STK3: variants seen among roughly 807,000 people sequenced by gnomAD.
The protein encoded by STK3 is serine/threonine-protein kinase 3.
STK3 carries 41 observed loss-of-function variants against 58.0 expected under a neutral mutation model. That is an observed-to-expected ratio of 0.71 (90% CI 0.55 to 0.92). STK3 has a LOEUF of 0.92. STK3 is among the 40% of genes least tolerant of loss of function. STK3 has a pLI of 0.00. For missense variants in STK3, 479 were observed against 602.7 expected (o/e 0.79, Z 2.15); for synonymous variants, 170 against 191.0 (o/e 0.89, Z 0.91).
chr8:98,840,029 T>C (rs1236524598), intron 3 of STK3, among the ~76,000 whole-genome samples: 1 of 151,884 alleles, frequency 6.6e-6, no homozygotes, highest in Non-Finnish European at 1.5e-5. Flanking sequence ...GGAAATTATT[T>C]TGAAAAAAAT....
At chr8:98,659,394 T>A (rs2130777574) in intron 6 of STK3, among the ~76,000 whole-genome samples, 1 of 152,174 alleles carries the variant, frequency 6.6e-6, no homozygotes, top group South Asian at 2.1e-4. Context: ...CCTCTACAGT[T>A]TACTATCATG....
intron 2 of STK3, among the ~76,000 whole-genome samples, chr8:98,375,261 AAAAAAAAAAC>A (rs1309344489): frequency 9.8e-5 from 7 of 71,762 alleles, no homozygotes; most frequent in Admixed American, 2.3e-4. Flanking sequence ...TTTCCAAAAC[AAAAAAAAAAC>A]AAAAAAAAAC....
intron 10 of STK3, among the ~76,000 whole-genome samples, chr8:98,512,509 A>G (rs893078372): frequency 1.3e-5 from 2 of 152,222 alleles, no homozygotes; most frequent in African/African-American, 4.8e-5. Flanking sequence ...TATGTGCCAC[A>G]TGTGAGCAGT....
intron 4 of STK3, among the ~76,000 whole-genome samples, chr8:98,717,420 C>T (rs1827102632): frequency 6.6e-6 from 1 of 151,952 alleles, no homozygotes; most frequent in Non-Finnish European, 1.5e-5. Context: ...GTGGAAAGAT[C>T]CTCAACATCA....
At chr8:98,849,781 G>C (rs1448103663) in intron 3 of STK3, among the ~76,000 whole-genome samples, 1 of 152,030 alleles carries the variant, frequency 6.6e-6, no homozygotes, top group Non-Finnish European at 1.5e-5. Context: ...TGGAGGTGGG[G>C]GTGGGGATTA....
At chr8:98,355,942 A>AT in the STK3 span, among the ~76,000 whole-genome samples, 2 of 152,174 alleles carry the variant, frequency 1.3e-5, no homozygotes, top group Admixed American at 1.3e-4. Flanking sequence ...TTCCGTGATC[A>AT]TTGGTAATGT....
At chr8:98,625,945 C>G (rs1030733924) in intron 6 of STK3, among the ~76,000 whole-genome samples, 1 of 152,112 alleles carries the variant, frequency 6.6e-6, no homozygotes, top group Non-Finnish European at 1.5e-5. Flanking sequence ...ATCTACCCTA[C>G]TATAACCCTG....
intron 4 of STK3, among the ~76,000 whole-genome samples, chr8:98,714,439 G>A (rs1201221633): frequency 6.6e-6 from 1 of 152,104 alleles, no homozygotes; most frequent in Non-Finnish European, 1.5e-5. Context: ...CAAAGTCTCA[G>A]GATACAAAGT....
At chr8:98,768,538 C>T (rs1339227941) in intron 2 of STK3, among the ~76,000 whole-genome samples, 1 of 152,122 alleles carries the variant, frequency 6.6e-6, no homozygotes, top group Non-Finnish European at 1.5e-5. Flanking sequence ...TCACATTGGG[C>T]TGGGTGTGGG....
chr8:98,845,142 A>G (rs1279298839), intron 3 of STK3, among the ~76,000 whole-genome samples: 1 of 152,142 alleles, frequency 6.6e-6, no homozygotes, highest in East Asian at 1.9e-4. Context: ...TTTTTTACTT[A>G]GAGTTCATTT....
chr8:98,848,594 A>G (rs1352913667), intron 3 of STK3, among the ~76,000 whole-genome samples: 2 of 152,206 alleles, frequency 1.3e-5, no homozygotes, highest in African/African-American at 4.8e-5. Context: ...TATGAATGGA[A>G]TCATATAAAA....
In STK3 at chr8:98,428,141, C is replaced by T. The variant is rs760612723; in HGVS notation, n.483+5986G>A. 9 of 1,613,922 alleles carry T rather than the reference C, an allele frequency of 5.6e-6. No homozygotes were observed. The African/African-American group carries it at 1.1e-4, about 19-fold the overall frequency. ...TGCTGCTCTGCCACTCGCGCGAGGC[C>T]ATTCTGGAGCTCTGCGATGACTACG... On this transcript the variant is annotated intron_variant and non_coding_transcript_variant, in intron 3 of 3. Transcript: ENST00000517832. This position sits in a 1 kb window ranked among gnomAD's most constrained non-coding sequence, Gnocchi z 6.7.
At chr8:98,373,178 T>C (rs1817628816) in intron 2 of STK3, among the ~76,000 whole-genome samples, 1 of 152,192 alleles carries the variant, frequency 6.6e-6, no homozygotes. Context: ...TTATTATTCT[T>C]GCTTTTTTTG....
At chr8:98,851,526 A>T (rs1160555268) in intron 3 of STK3, among the ~76,000 whole-genome samples, 5 of 152,236 alleles carry the variant, frequency 3.3e-5, no homozygotes, top group Non-Finnish European at 7.3e-5. Flanking sequence ...TCTAAGGAGT[A>T]TGAAACTGCA....
intron 1 of STK3, among the ~76,000 whole-genome samples, chr8:98,784,880 C>T (rs1338113704): frequency 6.6e-6 from 1 of 152,100 alleles, no homozygotes; most frequent in East Asian, 1.9e-4. Context: ...GCATTCAGAG[C>T]ATCTGCTCAC....
chr8:98,373,030 A>G (rs1399606299), intron 2 of STK3, among the ~76,000 whole-genome samples: 1 of 152,178 alleles, frequency 6.6e-6, no homozygotes, highest in Non-Finnish European at 1.5e-5. Context: ...GAATTTCACC[A>G]TGAATTAAAG....
At chr8:98,920,766 G>A (rs1839528949) in intron 1 of STK3, among the ~76,000 whole-genome samples, 1 of 152,256 alleles carries the variant, frequency 6.6e-6, no homozygotes, top group African/African-American at 2.4e-5. Context: ...GCAAGAGGCT[G>A]AGGTTAGAAC....
At chr8:98,897,647 C>T (rs1302690400) in intron 1 of STK3, among the ~76,000 whole-genome samples, 1 of 152,114 alleles carries the variant, frequency 6.6e-6, no homozygotes, top group African/African-American at 2.4e-5. Flanking sequence ...GCAGTAAATA[C>T]AGCCCTTATT....
At chr8:98,847,290 A>T (rs1402856052) in intron 3 of STK3, among the ~76,000 whole-genome samples, 1 of 152,172 alleles carries the variant, frequency 6.6e-6, no homozygotes, top group Non-Finnish European at 1.5e-5. Context: ...CTGAGAGCCA[A>T]TTTCCAGTGG....
Sources: allele counts gnomAD v4.1 joint callset (sites outside exome capture counted in the v4.1 genomes callset), GRCh38; gene constraint gnomAD v4.1.1; non-coding constraint Gnocchi (gnomAD v3.1); transcripts MANE v1.5; gene names NCBI Gene and HGNC (gene_info 2026-07-23, HGNC 2026-07-21).